CKAP5: variants seen among roughly 807,000 people sequenced by gnomAD.
CKAP5 encodes cytoskeleton-associated protein 5.
CKAP5 carries 27 observed loss-of-function variants against 232.8 expected under a neutral mutation model. The observed-to-expected ratio is 0.12, with a 90% CI of 0.09 to 0.16. The LOEUF (loss-of-function observed/expected upper bound fraction) is 0.16. CKAP5 is among the 10% of genes least tolerant of loss of function. The probability of loss-of-function intolerance (pLI) is 1.00; values close to 1 mark genes in which losing one functional copy is unlikely to be tolerated. For missense variants in CKAP5, 1,838 were observed against 2,424.7 expected (o/e 0.76, Z 5.08); for synonymous variants, 785 against 841.1 (o/e 0.93, Z 1.16).
At chr11:46,779,927 G>T (rs1343767647) in intron 20 of CKAP5, among the ~76,000 whole-genome samples, 4 of 152,088 alleles carry the variant, frequency 2.6e-5, no homozygotes, top group Admixed American at 2.6e-4. Flanking sequence ...TGGCCGACCT[G>T]CTCTGTTTCT....
intron 4 of CKAP5, among the ~76,000 whole-genome samples, chr11:46,814,184 A>ATCACTAAG (rs1424758455): frequency 6.6e-6 from 1 of 150,598 alleles, no homozygotes; most frequent in Non-Finnish European, 1.5e-5. Flanking sequence ...AAATTTAGAC[A>ATCACTAAG]TCACTAAGGA....
At chr11:46,758,576 G>A (rs1285425331) in intron 35 of CKAP5, among the ~76,000 whole-genome samples, 1 of 152,106 alleles carries the variant, frequency 6.6e-6, no homozygotes, top group Non-Finnish European at 1.5e-5. Flanking sequence ...CAAGCCTGTT[G>A]TCCCAGCTAC....
chr11:46,807,913 A>G (rs1939192777), intron 8 of CKAP5, 118 bp downstream of exon 8: 1 of 636,922 alleles, frequency 1.6e-6, no homozygotes, highest in Non-Finnish European at 2.7e-6. Context: ...CTGTAATTCA[A>G]ATACCATCAG....
At chr11:46,783,663 A>G (rs1019121234) in intron 17 of CKAP5, among the ~76,000 whole-genome samples, 1 of 151,648 alleles carries the variant, frequency 6.6e-6, no homozygotes, top group Non-Finnish European at 1.5e-5. Flanking sequence ...CACAATCATC[A>G]ATCATTGCAG....
intron 17 of CKAP5, among the ~76,000 whole-genome samples, chr11:46,783,740 CTGTT>C: frequency 6.6e-6 from 1 of 151,924 alleles, no homozygotes; most frequent in Non-Finnish European, 1.5e-5. Flanking sequence ...CAGTCTCACT[CTGTT>C]GCCCAGGCTG....
intron 1 of CKAP5, 48 bp downstream of exon 1, chr11:46,846,172 C>G (rs1224941804): frequency 6.6e-6 from 1 of 152,424 alleles, no homozygotes; most frequent in East Asian, 1.9e-4. Context: ...GCGCGCGATG[C>G]CTGCACTCGA....
At chr11:46,817,112 GAA>G (rs75795895) in intron 3 of CKAP5, among the ~76,000 whole-genome samples, 2 of 107,142 alleles carry the variant, frequency 1.9e-5, no homozygotes, top group African/African-American at 3.4e-5. Context: ...GTATCAAAAA[GAA>G]AAAAAAAAAA....
In CKAP5 at chr11:46,760,614, G is replaced by C. The variant is rs767555480; in HGVS notation, c.4392C>G (p.Leu1464=). Residue 1464 remains leucine (L), a splice_region_variant and synonymous_variant, in exon 33 of 44, where the codon CTC becomes CTG. Coordinates refer to ENST00000529230, the MANE Select transcript of CKAP5 (RefSeq NM_001008938.4). ...KGPAEDMSSK[L]NQARSMSGHP... ...GACAAGTATCTCTATCTACATACTT[G>C]AGTTTGGAAGACATGTCCTCAGCTG... 6.2e-7 allele frequency: 1 copy of C among 1,614,102 alleles called. No individual in the cohort carries two copies. Among genetic ancestry groups the C allele is most frequent in the African/African-American group, 1.3e-5 (1 of 75,064 alleles).
At chr11:46,756,664 A>T (rs527486003) in intron 35 of CKAP5, among the ~76,000 whole-genome samples, 1 of 152,332 alleles carries the variant, frequency 6.6e-6, no homozygotes, top group East Asian at 1.9e-4. Flanking sequence ...ACCAGTCGAG[A>T]ATCATGCACT....
chr11:46,842,597 C>T lies in CKAP5; in HGVS notation c.-38+3623G>A, dbSNP rs1273756967. On this transcript the variant is annotated intron_variant, in intron 1 of 43. Coordinates refer to ENST00000529230, the MANE Select transcript of CKAP5 (RefSeq NM_001008938.4). ...GTGGGTCTTACAGATGCTAATAAAA[C>T]CATTAGGTTAAGAGAATGGTGAGAC... 2.6e-5 allele frequency among the ~76,000 whole-genome samples: 4 copies of T among 152,138 alleles called. No individual in the cohort carries two copies. The East Asian group carries it at 7.7e-4, about 29-fold the overall frequency.
Position 46,758,772 on chromosome 11 carries a change from A to T in CKAP5, c.4689+151T>A, listed in dbSNP as rs148608923. The T allele has an allele frequency of 7.6e-4, 598 of 790,758 alleles. 4 individuals carry two copies. The African/African-American group carries it at 9.2e-3, about 12-fold the overall frequency. The allele number at this position is 790,758 out of a possible 1,614,324, so 49.0% of individuals were successfully genotyped here. Reference sequence around the variant, plus strand: ...GTCACATCCTCTGAGGCAAGTGATGACTGAGTGGCACCTGTGCATTTCTTT... The same window carrying T: ...GTCACATCCTCTGAGGCAAGTGATGTCTGAGTGGCACCTGTGCATTTCTTT... On this transcript the variant is annotated intron_variant, in intron 35 of 43. Transcript: ENST00000529230.
chr11:46,784,174 G>A (rs2065366277), intron 17 of CKAP5, among the ~76,000 whole-genome samples: 1 of 151,874 alleles, frequency 6.6e-6, no homozygotes, highest in Admixed American at 6.6e-5. Context: ...TTCGAGACAA[G>A]CCTGGCCAAC....
chr11:46,784,356 C>T, intron 17 of CKAP5, 132 bp downstream of exon 17: 4 of 722,616 alleles, frequency 5.5e-6, no homozygotes, highest in Middle Eastern at 2.6e-4. Context: ...GAGTGAAACT[C>T]CATCTCAAAA....
At chr11:46,744,340 A>G (rs764011262) in intron 43 of CKAP5, 75 bp from the exon 44 acceptor site, 1 of 1,612,482 alleles carries the variant, frequency 6.2e-7, no homozygotes, top group Admixed American at 1.7e-5. Context: ...CTACAGCAAG[A>G]CTAAGCCACT....
Position 46,760,636 on chromosome 11 carries a change from G to C in CKAP5, c.4370C>G (p.Ala1457Gly). ...SNANMLRKGP[A>G]EDMSSKLNQA... ...CTTGAGTTTGGAAGACATGTCCTCA[G>C]CTGGTCCCTTGCGTAACATGTTGGC... Residue 1457 changes from alanine (A) to glycine (G), a missense_variant, in exon 33 of 44, where the codon GCT becomes GGT. This residue lies in a region of CKAP5 where 579 missense variants were observed against 843.2 expected (regional missense o/e 0.69). Transcript: ENST00000529230. The C allele has an allele frequency of 6.2e-7, 1 of 1,614,190 alleles. No individual in the cohort carries two copies. The highest frequency in any genetic ancestry group is 8.5e-7 in the Non-Finnish European group (1 of 1,180,026).
Position 46,765,223 on chromosome 11 carries a change from T to C in CKAP5, c.3445A>G (p.Ser1149Gly). ...GATTTGTCTTCATCCTCCTTTAAGC[T>C]GGTTTTGCTTGGCATCTTCTTCCCT... The part of the protein sequence containing the change: ...AQGKKMPSKT[S>G]LKEDEDKSGP... Residue 1149 changes from serine (S) to glycine (G), a missense_variant, in exon 28 of 44, where the codon AGC becomes GGC. By Grantham distance (56) the Ser-to-Gly change is moderately conservative. Transcript: ENST00000529230. The C allele has an allele frequency of 6.2e-7, 1 of 1,612,818 alleles. No individual in the cohort carries two copies. Among genetic ancestry groups the C allele is most frequent in the Non-Finnish European group, 8.5e-7 (1 of 1,179,514 alleles).
intron 2 of CKAP5, 115 bp from the exon 3 acceptor site, chr11:46,818,618 TA>T: frequency 2.8e-6 from 2 of 723,664 alleles, no homozygotes; most frequent in Non-Finnish European, 4.1e-6. Context: ...TCAGGTAATG[TA>T]AACAAAGGAC....
intron 24 of CKAP5, among the ~76,000 whole-genome samples, chr11:46,775,228 T>TA (rs2065280825): frequency 6.6e-6 from 1 of 152,080 alleles, no homozygotes; most frequent in Non-Finnish European, 1.5e-5. Context: ...CCAACAAACA[T>TA]ATGAAAAAGA....
intron 42 of CKAP5, among the ~76,000 whole-genome samples, chr11:46,747,593 C>T (rs971821678): frequency 2.9e-4 from 41 of 140,192 alleles, no homozygotes; most frequent in Non-Finnish European, 6.1e-5. Flanking sequence ...GAGAGCAAGA[C>T]TTCATCTCAA....
Sources: gnomAD v4.1 joint callset for allele counts (sites outside exome capture counted in the v4.1 genomes callset) on GRCh38, gnomAD v4.1.1 for gene constraint, gnomAD v4.1.1 regional missense constraint, MANE v1.5 for transcripts, NCBI Gene and HGNC (gene_info 2026-07-23, HGNC 2026-07-21) for gene names.